The following ARL9 variants were observed in gnomAD, a reference collection of about 807,000 sequenced individuals.
ARL9 encodes the protein ADP-ribosylation factor-like protein 9.
In ARL9, 14 loss-of-function variants were observed where a neutral mutation model predicts 27.0. That is an observed-to-expected ratio of 0.52 (90% confidence interval 0.34 to 0.81). ARL9 has a LOEUF of 0.81. ARL9 is among the 30% of genes least tolerant of loss of function. The probability of loss-of-function intolerance (pLI) is 0.01; values close to 1 mark genes in which losing one functional copy is unlikely to be tolerated. For missense variants in ARL9, 294 were observed against 290.0 expected, an observed-to-expected ratio of 1.01 and a Z score of -0.10; for synonymous variants, 106 against 108.7, an observed-to-expected ratio of 0.98 and a Z score of 0.15.
chr4:56,515,943 C>T (rs1302484191), intron 2 of ARL9, among the ~76,000 whole-genome samples: 11 of 152,116 alleles, frequency 7.2e-5, no homozygotes, highest in Admixed American at 7.2e-4. Flanking sequence ...GTTTGACAAG[C>T]TGAGGCTAAA....
intron 1 of ARL9, among the ~76,000 whole-genome samples, chr4:56,508,074 T>C (rs1721518796): frequency 6.6e-6 from 1 of 152,062 alleles, no homozygotes; most frequent in Non-Finnish European, 1.5e-5. Flanking sequence ...GGAATATGTA[T>C]CTTAGAATGA....
At chr4:56,521,182 G>C (rs1721904867) in intron 3 of ARL9, among the ~76,000 whole-genome samples, 1 of 150,122 alleles carries the variant, frequency 6.7e-6, no homozygotes, top group East Asian at 1.9e-4. Flanking sequence ...CTGCACTCCA[G>C]CCTGGGTGAC....
At chr4:56,505,527 G>C (rs141027701), upstream of ARL9, 2 of 515,128 alleles carry the variant, frequency 3.9e-6, no homozygotes, top group South Asian at 1.5e-5. Context: ...CGCTAGGGAC[G>C]CTTTTTCTGC....
intron 3 of ARL9, among the ~76,000 whole-genome samples, chr4:56,519,061 T>C (rs2110153247): frequency 6.6e-6 from 1 of 152,312 alleles, no homozygotes; most frequent in South Asian, 2.1e-4. Flanking sequence ...TTGTGCATGC[T>C]AGGAATTCAA....
Position 56,523,687 on chromosome 4 carries a change from C to A in ARL9, c.619-10C>A. 6.2e-7 allele frequency: 1 copy of A among 1,606,576 alleles called. No individual in the cohort carries two copies. The highest frequency in any genetic ancestry group is 8.5e-7 in the Non-Finnish European group (1 of 1,175,630). On this transcript the variant is annotated splice_polypyrimidine_tract_variant and intron_variant, in intron 3 of 3. Transcript: ENST00000640821. Reference sequence around the variant, plus strand: ...AACTTTGTCCTATTCTTATTCCACTCCGGATGAAGGATCTTGAAGCAGCCT... The same window carrying A: ...AACTTTGTCCTATTCTTATTCCACTACGGATGAAGGATCTTGAAGCAGCCT...
At position 56,507,961 on chromosome 4, in the gene ARL9, G is replaced by C. The variant is rs886382937; in HGVS notation, c.279+1820G>C. On this transcript the variant is annotated intron_variant, in intron 1 of 3. Transcript: ENST00000640821. ...ACTGCACTCCACAGAGAGAGATTCT[G>C]TATCAAAAAAAAAAAAAAAAAATTC... 5.8e-5 allele frequency among the ~76,000 whole-genome samples: 7 copies of C among 120,656 alleles called. No homozygotes were observed. The East Asian group carries it at 2.4e-3, about 41-fold the overall frequency. The allele number at this position is 120,656 out of a possible 152,430, so 79.2% of individuals were successfully genotyped here.
At chr4:56,506,786 T>TTGTGTGTGTGTGTGTGTG (rs138908292) in intron 1 of ARL9, 2 of 179,852 alleles carry the variant, frequency 1.1e-5, no homozygotes, top group African/African-American at 3.8e-5. Context: ...ATTAACACAG[T>TTGTGTGTGTGTGTGTGTG]TGTGTGTGTG....
chr4:56,521,041 C>G (rs542643535), intron 3 of ARL9, among the ~76,000 whole-genome samples: 1 of 152,108 alleles, frequency 6.6e-6, no homozygotes, highest in Admixed American at 6.5e-5. Flanking sequence ...GAAACCCTGT[C>G]TCTACTAAAA....
chr4:56,505,275 C>T, upstream of ARL9: 1 of 403,264 alleles, frequency 2.5e-6, no homozygotes, highest in Non-Finnish European at 5.0e-6. Flanking sequence ...TGGAGACACT[C>T]CTAGCGGAGT....
chr4:56,505,935 A>G lies in ARL9; in HGVS notation c.73A>G (p.Arg25Gly). 2.4e-6 allele frequency: 3 copies of G among 1,233,888 alleles called. No individual in the cohort carries two copies. Among genetic ancestry groups the G allele is most frequent in the Non-Finnish European group, 3.0e-6 (3 of 985,688 alleles). 76.4% of individuals were successfully genotyped at this position (1,233,888 alleles called of 1,614,324 possible). Reference sequence around the variant, plus strand: ...GGAGGAGAAAATCGGAGAAAAGGGTAGGGAAGAGAAAGTGAAAAGAAAGGA... The same window carrying G: ...GGAGGAGAAAATCGGAGAAAAGGGTGGGGAAGAGAAAGTGAAAAGAAAGGA... ...TQEEKIGEKG[R>G]EEKVKRKEVE... The change falls in exon 1 of 4, where the codon AGG (arginine) becomes GGG (glycine). Residue 25 changes from arginine (R) to glycine (G), a missense_variant. Transcript: ENST00000640821.
chr4:56,521,636 G>A (rs886067767), intron 3 of ARL9, among the ~76,000 whole-genome samples: 2 of 152,100 alleles, frequency 1.3e-5, no homozygotes, highest in African/African-American at 4.8e-5. Flanking sequence ...GTCAATACTT[G>A]GTATTATCAG....
At chr4:56,513,936 G>A (rs1219314059) in intron 2 of ARL9, among the ~76,000 whole-genome samples, 3 of 152,092 alleles carry the variant, frequency 2.0e-5, no homozygotes, top group African/African-American at 4.8e-5. Context: ...TTGAGAGGCC[G>A]GGGCAGGTGG....
rs548593924 is a variant in ARL9, at chr4:56,506,126, C to T, written c.264C>T (p.Thr88=). The T allele has an allele frequency of 5.0e-5, 62 of 1,233,266 alleles. No homozygotes were observed. Among genetic ancestry groups the T allele is most frequent in the Non-Finnish European group, 6.1e-5 (60 of 989,044 alleles). 76.4% of individuals were successfully genotyped at this position (1,233,266 alleles called of 1,614,324 possible). Residue 88 remains threonine (T), a synonymous_variant, in exon 1 of 4, where the codon ACC becomes ACT. Transcript: ENST00000640821. ...ACAAGGACAGCACCTTGACAAGGAC[C>T]CCGCTCGAGCCGCTGGTAAGAGACC... ...GENKDSTLTR[T]PLEPLEKNKQ...
At position 56,511,588 on chromosome 4, in the gene ARL9, A is replaced by T. The variant is rs143532876; in HGVS notation, c.442+241A>T. On this transcript the variant is annotated intron_variant, in intron 2 of 3. Coordinates refer to ENST00000640821, the MANE Select transcript of ARL9 (RefSeq NM_001363794.2). ...GGGGAATTTAGAGGAAGGCTTTAGC[A>T]CTCACTCCTATAATCTCCTGTAATC... is the stretch of plus-strand genomic sequence containing the variant. Among the ~76,000 whole-genome samples, 903 of 152,240 alleles carry T rather than the reference A, an allele frequency of 5.9e-3. 6 individuals are homozygous for T. The highest frequency in any genetic ancestry group is 0.027 in the Middle Eastern group (8 of 294).
At chr4:56,515,037 A>G (rs1283578062) in intron 2 of ARL9, among the ~76,000 whole-genome samples, 3 of 152,108 alleles carry the variant, frequency 2.0e-5, no homozygotes, top group African/African-American at 7.2e-5. Context: ...TCACTCACCT[A>G]AAGTCAGGAG....
intron 3 of ARL9, among the ~76,000 whole-genome samples, chr4:56,522,457 A>G (rs932343557): frequency 6.6e-6 from 1 of 152,058 alleles, no homozygotes; most frequent in Non-Finnish European, 1.5e-5. Context: ...GGAAAAAAAA[A>G]AGACACAATA....
At chr4:56,514,254 T>C (rs1179429074) in intron 2 of ARL9, among the ~76,000 whole-genome samples, 2 of 152,044 alleles carry the variant, frequency 1.3e-5, no homozygotes, top group Admixed American at 6.6e-5. Flanking sequence ...GAAAGGAAAA[T>C]AGCTGAACAC....
intron 1 of ARL9, among the ~76,000 whole-genome samples, chr4:56,508,007 A>G (rs937837015): frequency 2.0e-5 from 3 of 151,796 alleles, no homozygotes; most frequent in Admixed American, 6.6e-5. Flanking sequence ...AATGTGACAT[A>G]CTCTCAATTG....
chr4:56,515,491 C>A (rs900281826), intron 2 of ARL9, among the ~76,000 whole-genome samples: 1 of 152,016 alleles, frequency 6.6e-6, no homozygotes, highest in East Asian at 1.9e-4. Context: ...TTTCATTCAA[C>A]ATTATACAGG....
Sources: allele counts gnomAD v4.1 joint callset (sites outside exome capture counted in the v4.1 genomes callset), GRCh38; gene constraint gnomAD v4.1.1; transcripts MANE v1.5; gene names NCBI Gene and HGNC (gene_info 2026-07-23, HGNC 2026-07-21).